RELN: variants seen among roughly 807,000 people sequenced by gnomAD.
The protein encoded by RELN is reelin.
Under a neutral mutation model 427.6 loss-of-function variants are expected in RELN, and 108 were observed. The ratio of observed to expected loss-of-function variants is 0.25; its 90% CI spans 0.22 to 0.30. RELN has a LOEUF of 0.30. Ranked by LOEUF, RELN falls within the 10% of genes least tolerant of loss-of-function variation. The pLI is 1.00. For missense variants in RELN, 3,715 were observed against 4,302.8 expected (o/e 0.86, Z 3.82); for synonymous variants, 1,524 against 1,513.4 (o/e 1.01, Z -0.16).
At chr7:103,829,221 C>A (rs549871034) in intron 3 of RELN, among the ~76,000 whole-genome samples, 2 of 151,846 alleles carry the variant, frequency 1.3e-5, no homozygotes, top group African/African-American at 4.8e-5. Context: ...ATTTTACAAC[C>A]CCCTTTCCCT....
chr7:103,901,449 C>T (rs1405166798), intron 2 of RELN, among the ~76,000 whole-genome samples: 1 of 151,898 alleles, frequency 6.6e-6, no homozygotes, highest in Non-Finnish European at 1.5e-5. Context: ...AAAACTTGTA[C>T]ACAAAGATTC....
chr7:103,760,810 C>T (rs775263130), intron 4 of RELN, among the ~76,000 whole-genome samples: 2 of 152,118 alleles, frequency 1.3e-5, no homozygotes, highest in Non-Finnish European at 2.9e-5. Flanking sequence ...TATTAAACTT[C>T]CAAAGCTAAA....
intron 57 of RELN, among the ~76,000 whole-genome samples, chr7:103,493,754 C>T (rs905599934): frequency 5.3e-5 from 8 of 152,010 alleles, no homozygotes; most frequent in Non-Finnish European, 1.0e-4. Flanking sequence ...GAGAATTCCA[C>T]AGGTTGAAGA....
At position 103,728,113 on chromosome 7, in the gene RELN, G is replaced by A. The variant is rs2115934391; in HGVS notation, c.751C>T (p.Leu251=). Residue 251 remains leucine, a splice_region_variant and synonymous_variant, in exon 7 of 65, where the codon CTG becomes TTG. Coordinates refer to ENST00000428762, the MANE Select transcript of RELN (RefSeq NM_005045.4). ...GTACATGAATAGCACATACTTACCA[G>A]TTCTCGTGGGCCATATGGTTCACAG... ...TFCEPYGPRE[L]ITTGLNTTTA... 6.2e-7 allele frequency: 1 copy of A among 1,613,564 alleles called. No individual in the cohort carries two copies. The highest frequency in any genetic ancestry group is 1.1e-5 in the South Asian group (1 of 91,080).
intron 10 of RELN, among the ~76,000 whole-genome samples, chr7:103,691,639 C>T: frequency 6.6e-6 from 1 of 151,914 alleles, no homozygotes; most frequent in East Asian, 1.9e-4. Context: ...ATGGCAAAAC[C>T]CCATCTTTAC....
chr7:103,504,879 G>C (rs894908469), intron 51 of RELN, among the ~76,000 whole-genome samples: 1 of 152,146 alleles, frequency 6.6e-6, no homozygotes, highest in East Asian at 1.9e-4. Context: ...TGGGATGCTC[G>C]AGCTTGGTTT....
intron 1 of RELN, among the ~76,000 whole-genome samples, chr7:103,951,726 G>A (rs999695956): frequency 2.7e-5 from 4 of 150,514 alleles, no homozygotes; most frequent in Non-Finnish European, 5.9e-5. Context: ...AGGCTGAAGT[G>A]CAGTGGCACG....
rs1230251412 is a variant in RELN, at chr7:103,474,852, G to T, written c.10287-1944C>A. On this transcript the variant is annotated intron_variant, in intron 64 of 64. Coordinates refer to ENST00000428762, the MANE Select transcript of RELN (RefSeq NM_005045.4). ...TGAAAGGAAACCCCTGAAATACTAA[G>T]AAAGTATAACTGAATGCATAATTGT... Among the ~76,000 whole-genome samples the T allele has an allele frequency of 3.4e-5, 5 of 148,610 alleles. No individual in the cohort carries two copies. In the South Asian group the frequency reaches 1.1e-3, roughly 32 times the overall value.
chr7:103,517,674 GTACTCTGTACCACTTAGCTTC>G (rs771185216), intron 49 of RELN, among the ~76,000 whole-genome samples: 55 of 152,290 alleles, frequency 3.6e-4, no homozygotes, highest in Middle Eastern at 3.4e-3. Context: ...TGAGCACAGG[GTACTCTGTACCACTTAGCTTC>G]TAGTTGGATT....
chr7:103,667,640 G>A (rs1484724604), intron 11 of RELN, among the ~76,000 whole-genome samples: 1 of 152,156 alleles, frequency 6.6e-6, no homozygotes, highest in Non-Finnish European at 1.5e-5. Flanking sequence ...TCAATATATG[G>A]ACAGTAGTTT....
At chr7:103,574,482 A>G (rs1830954310) in intron 29 of RELN, among the ~76,000 whole-genome samples, 183 bp from the exon 30 acceptor site, 1 of 152,232 alleles carries the variant, frequency 6.6e-6, no homozygotes, top group Non-Finnish European at 1.5e-5. Context: ...CATCAAAAAC[A>G]CTATTCTGCC....
chr7:103,531,627 T>G (rs556495678), intron 46 of RELN, among the ~76,000 whole-genome samples: 1 of 152,314 alleles, frequency 6.6e-6, no homozygotes, highest in Admixed American at 6.5e-5. Context: ...CCCATGTCTC[T>G]TGACTTTCTC....
intron 1 of RELN, among the ~76,000 whole-genome samples, chr7:103,948,556 C>A (rs188126619): frequency 6.6e-6 from 1 of 152,032 alleles, no homozygotes; most frequent in African/African-American, 2.4e-5. Flanking sequence ...GCCTGCAGTC[C>A]CAGCTACTCG....
At position 103,575,577 on chromosome 7, in the gene RELN, C is replaced by A; in HGVS notation, c.4274G>T (p.Gly1425Val). ...ATATCCCAGGTCACAGAAACACACTCCTGAAATGCAGTCCCCATGGCCACT... is the reference window on the plus strand; with the variant it reads ...ATATCCCAGGTCACAGAAACACACTACTGAAATGCAGTCCCCATGGCCACT... ...YCSGHGDCIS[G>V]VCFCDLGYTA... The change falls in exon 29 of 65, where the codon GGA becomes GTA. Residue 1425 changes from glycine to valine, a missense_variant. Around this residue, in one of 4 missense-constraint regions of RELN, gnomAD observed 2,208 missense variants for 2,361.7 expected, o/e 0.93. Coordinates refer to ENST00000428762, the MANE Select transcript of RELN (RefSeq NM_005045.4). 1 of 1,614,172 alleles carries A rather than the reference C, an allele frequency of 6.2e-7. No individual in the cohort carries two copies. Among genetic ancestry groups the A allele is most frequent in the East Asian group, 2.2e-5 (1 of 44,876 alleles).
intron 6 of RELN, among the ~76,000 whole-genome samples, chr7:103,729,235 G>T (rs960592151): frequency 6.6e-6 from 1 of 152,136 alleles, no homozygotes; most frequent in Non-Finnish European, 1.5e-5. Context: ...AAACATTGCA[G>T]AAAGGGCACT....
At chr7:103,964,954 T>C (rs1746241913) in intron 1 of RELN, among the ~76,000 whole-genome samples, 1 of 152,214 alleles carries the variant, frequency 6.6e-6, no homozygotes, top group Non-Finnish European at 1.5e-5. Context: ...TTCTGTTTTG[T>C]GCTCTCTAAA....
intron 2 of RELN, among the ~76,000 whole-genome samples, chr7:103,835,208 G>C (rs1489986664): frequency 6.6e-6 from 1 of 152,196 alleles, no homozygotes; most frequent in Non-Finnish European, 1.5e-5. Flanking sequence ...AGGCTACATA[G>C]TGTATAATTC....
intron 20 of RELN, among the ~76,000 whole-genome samples, chr7:103,627,031 T>A (rs766801734): frequency 1.3e-5 from 2 of 152,058 alleles, no homozygotes; most frequent in African/African-American, 4.8e-5. Flanking sequence ...ATTGTCCAAG[T>A]TTTCCCTGAA....
At chr7:103,495,619 A>G (rs1385630092) in intron 57 of RELN, 104 bp downstream of exon 57, 8 of 1,105,166 alleles carry the variant, frequency 7.2e-6, no homozygotes, top group East Asian at 4.7e-5. Flanking sequence ...GTCTTTTTTA[A>G]TGAATAATAT....
Sources: gnomAD v4.1 joint callset for allele counts (sites outside exome capture counted in the v4.1 genomes callset) on GRCh38, gnomAD v4.1.1 for gene constraint, gnomAD v4.1.1 regional missense constraint, MANE v1.5 for transcripts, NCBI Gene and HGNC (gene_info 2026-07-23, HGNC 2026-07-21) for gene names.